Variants in MCF2L2 observed in about 807,000 individuals in gnomAD.
MCF2L2 encodes probable guanine nucleotide exchange factor MCF2L2.
MCF2L2 carries 102 observed loss-of-function variants against 150.2 expected under a neutral mutation model. That is an observed-to-expected ratio of 0.68 (90% CI 0.58 to 0.80). MCF2L2 has a LOEUF of 0.80. Ranked by LOEUF, MCF2L2 falls within the 30% of genes least tolerant of loss-of-function variation. The pLI, the probability that MCF2L2 is intolerant of heterozygous loss-of-function variation, is 0.00. For synonymous variants in MCF2L2, 465 were observed against 491.3 expected (o/e 0.95, Z 0.71); for missense variants, 1,256 against 1,372.8 (o/e 0.91, Z 1.34).
chr3:183,381,022 G>A (rs903522484), intron 2 of MCF2L2, among the ~76,000 whole-genome samples: 2 of 152,048 alleles, frequency 1.3e-5, no homozygotes, highest in Non-Finnish European at 2.9e-5. Flanking sequence ...GCCTAGGGGG[G>A]CCATGAAAAA....
chr3:183,330,986 C>A (rs1388465097), intron 5 of MCF2L2, among the ~76,000 whole-genome samples: 2 of 152,070 alleles, frequency 1.3e-5, no homozygotes, highest in Non-Finnish European at 2.9e-5. Flanking sequence ...CACCCCCACC[C>A]CAGGGCTAAC....
intron 9 of MCF2L2, chr3:183,310,613 T>C (rs971863854): frequency 2.4e-5 from 8 of 329,542 alleles, no homozygotes; most frequent in African/African-American, 1.3e-4. Context: ...CAGTGAGCCA[T>C]GATCACACCA....
intron 3 of MCF2L2, chr3:183,373,406 T>C (rs906202083): frequency 1.3e-5 from 2 of 152,208 alleles, no homozygotes; most frequent in Admixed American, 6.5e-5. Flanking sequence ...TCTTTTTATA[T>C]ATTGATTTTA....
Position 183,341,610 on chromosome 3 carries a change from C to T in MCF2L2, c.296G>A (p.Gly99Glu), listed in dbSNP as rs1730698220. 3 of 1,613,918 alleles carry T rather than the reference C, an allele frequency of 1.9e-6. No individual in the cohort carries two copies. Among genetic ancestry groups the T allele is most frequent in the African/African-American group, 2.7e-5 (2 of 74,908 alleles). Residue 99 changes from glycine (G) to glutamate (E), a missense_variant, in exon 4 of 30, where the codon GGA becomes GAA. By Grantham distance (98) the Gly-to-Glu change is moderately conservative. Coordinates refer to ENST00000328913, the MANE Select transcript of MCF2L2 (RefSeq NM_015078.4). ...SIPSVEAASIGFIVVIDRRRD... is the reference protein window; with the variant it reads ...SIPSVEAASIEFIVVIDRRRD... ...TCGTCTGTCGATAACAACAATGAATCCAATGCTGGCAGCCTCCACACTGCA... is the reference window on the plus strand; with the variant it reads ...TCGTCTGTCGATAACAACAATGAATTCAATGCTGGCAGCCTCCACACTGCA...
At chr3:183,361,481 C>G (rs1369129074) in intron 3 of MCF2L2, among the ~76,000 whole-genome samples, 1 of 152,100 alleles carries the variant, frequency 6.6e-6, no homozygotes, top group Non-Finnish European at 1.5e-5. Flanking sequence ...CTCATGAGAT[C>G]TGATGGTTTA....
At chr3:183,266,162 AC>A (rs1726097012) in intron 15 of MCF2L2, 1 of 152,214 alleles carries the variant, frequency 6.6e-6, no homozygotes, top group African/African-American at 2.4e-5. Flanking sequence ...AGATACTAGC[AC>A]CTTTAATGAG....
chr3:183,425,044 GTGTT>G (rs1297587414), intron 1 of MCF2L2, among the ~76,000 whole-genome samples: 3 of 152,068 alleles, frequency 2.0e-5, no homozygotes, highest in Non-Finnish European at 4.4e-5. Flanking sequence ...ATAGAGTGTC[GTGTT>G]TGTTTGGCTC....
At chr3:183,249,399 C>T (rs1325051442) in intron 15 of MCF2L2, among the ~76,000 whole-genome samples, 2 of 152,204 alleles carry the variant, frequency 1.3e-5, no homozygotes, top group African/African-American at 4.8e-5. Flanking sequence ...CAGGGCCTGC[C>T]CCTCCGAAAC....
intron 20 of MCF2L2, among the ~76,000 whole-genome samples, chr3:183,220,798 G>A (rs532275109): frequency 2.6e-5 from 4 of 151,992 alleles, no homozygotes; most frequent in Non-Finnish European, 4.4e-5. Flanking sequence ...TTAAAAAAAC[G>A]TTTGCTACTA....
At chr3:183,369,290 A>G (rs986191964) in intron 3 of MCF2L2, among the ~76,000 whole-genome samples, 5 of 151,996 alleles carry the variant, frequency 3.3e-5, no homozygotes, top group Admixed American at 3.3e-4. Flanking sequence ...CTTTCAAAAG[A>G]CTCTACCACT....
rs566952107 is a variant in MCF2L2, at chr3:183,193,373, CAG to C, written c.2919-279_2919-278del. Among the ~76,000 whole-genome samples, 563 of 83,268 alleles carry C rather than the reference CAG, an allele frequency of 6.8e-3. 2 individuals are homozygous for C. The highest frequency in any genetic ancestry group is 0.033 in the African/African-American group (540 of 16,446). The allele number at this position is 83,268 out of a possible 152,430, so 54.6% of individuals were successfully genotyped here. ...TTTTTCTTTCTTTTTTTTTTTGAGA[CAG>C]AGTCTCGCTCTGTTGCCCAGGCTGG... On this transcript the variant is annotated intron_variant, in intron 26 of 29. Transcript: ENST00000328913.
At chr3:183,195,760 G>A (rs551077851) in intron 25 of MCF2L2, among the ~76,000 whole-genome samples, 2 of 152,210 alleles carry the variant, frequency 1.3e-5, no homozygotes, top group Admixed American at 6.5e-5. Flanking sequence ...TCCTCGGCCC[G>A]ATATTTGAGG....
At chr3:183,293,038 A>G (rs1334721357) in intron 13 of MCF2L2, among the ~76,000 whole-genome samples, 1 of 152,220 alleles carries the variant, frequency 6.6e-6, no homozygotes, top group Non-Finnish European at 1.5e-5. Context: ...TGTAAACATA[A>G]AAATCTAATC....
intron 14 of MCF2L2, among the ~76,000 whole-genome samples, chr3:183,280,933 T>C (rs1727439011): frequency 6.6e-6 from 1 of 151,130 alleles, no homozygotes; most frequent in Admixed American, 6.6e-5. Context: ...TTCACTATTA[T>C]AATCAATTTT....
At chr3:183,187,834 G>A (rs530614168) in intron 27 of MCF2L2, among the ~76,000 whole-genome samples, 19 of 152,334 alleles carry the variant, frequency 1.2e-4, no homozygotes, top group Non-Finnish European at 2.5e-4. Flanking sequence ...CCATCTGGAA[G>A]TTGTGTAGGT....
At chr3:183,281,195 G>A (rs1727456082) in intron 14 of MCF2L2, among the ~76,000 whole-genome samples, 1 of 152,090 alleles carries the variant, frequency 6.6e-6, no homozygotes, top group African/African-American at 2.4e-5. Context: ...GGATGCAGGG[G>A]AGAAGGGTGA....
At chr3:183,362,463 A>G (rs1182540637) in intron 3 of MCF2L2, among the ~76,000 whole-genome samples, 1 of 152,202 alleles carries the variant, frequency 6.6e-6, no homozygotes, top group African/African-American at 2.4e-5. Flanking sequence ...CCAGAGCATC[A>G]GGGCACTGAC....
At chr3:183,232,042 T>A (rs184351283) in intron 15 of MCF2L2, among the ~76,000 whole-genome samples, 2 of 152,182 alleles carry the variant, frequency 1.3e-5, no homozygotes, top group Non-Finnish European at 2.9e-5. Flanking sequence ...GTAATCCAGT[T>A]GGGCCTGTCC....
chr3:183,229,982 C>T (rs550923911), intron 16 of MCF2L2, among the ~76,000 whole-genome samples: 10 of 152,206 alleles, frequency 6.6e-5, no homozygotes, highest in African/African-American at 1.4e-4. Flanking sequence ...GGCTTAATGG[C>T]AATGATCATA....
Sources: gnomAD v4.1 joint callset for allele counts (sites outside exome capture counted in the v4.1 genomes callset) on GRCh38, gnomAD v4.1.1 for gene constraint, MANE v1.5 for transcripts, NCBI Gene and HGNC (gene_info 2026-07-23, HGNC 2026-07-21) for gene names.